The following BIRC2 variants were observed in gnomAD, a reference collection of about 807,000 sequenced individuals.
BIRC2 encodes baculoviral IAP repeat containing 2.
In BIRC2, 18 loss-of-function variants were observed where a neutral mutation model predicts 60.9. The observed-to-expected ratio is 0.30, with a 90% CI of 0.20 to 0.44. The LOEUF (loss-of-function observed/expected upper bound fraction) is 0.44. BIRC2 is among the 20% of genes least tolerant of loss of function. The pLI is 1.00. For missense variants in BIRC2, 701 were observed against 728.5 expected (o/e 0.96, Z 0.43); for synonymous variants, 282 against 247.7 (o/e 1.14, Z -1.30).
chr11:102,353,044 A>G (rs1951381332), intron 3 of BIRC2, among the ~76,000 whole-genome samples: 1 of 152,162 alleles, frequency 6.6e-6, no homozygotes, highest in African/African-American at 2.4e-5. Flanking sequence ...ATTATTAATT[A>G]TGTTTAAAAT....
At chr11:102,368,913 T>C (rs905298257) in intron 6 of BIRC2, among the ~76,000 whole-genome samples, 1 of 151,952 alleles carries the variant, frequency 6.6e-6, no homozygotes, top group Non-Finnish European at 1.5e-5. Flanking sequence ...CAACCTGTTT[T>C]TTTTTTTAAG....
At chr11:102,357,149 G>A (rs1203229042) in intron 3 of BIRC2, among the ~76,000 whole-genome samples, 1 of 152,028 alleles carries the variant, frequency 6.6e-6, no homozygotes, top group Non-Finnish European at 1.5e-5. Flanking sequence ...TGCTCATCAG[G>A]GCTATTGGCA....
intron 6 of BIRC2, 124 bp from the exon 7 acceptor site, chr11:102,377,372 C>T (rs1217813467): frequency 3.6e-6 from 3 of 834,268 alleles, no homozygotes; most frequent in African/African-American, 3.6e-5. Flanking sequence ...AAACAAGTTA[C>T]TTTGTTCTTT....
At chr11:102,362,267 A>G (rs1306716528) in intron 3 of BIRC2, among the ~76,000 whole-genome samples, 4 of 152,118 alleles carry the variant, frequency 2.6e-5, no homozygotes, top group South Asian at 2.1e-4. Context: ...TTTTTAACAT[A>G]TGAATATTCT....
chr11:102,349,914 T>C lies in BIRC2; in HGVS notation c.60T>C (p.Ser20=). Residue 20 remains serine (S), a synonymous_variant, in exon 2 of 9, where the codon AGT becomes AGC. Coordinates refer to ENST00000227758, the MANE Select transcript of BIRC2 (RefSeq NM_001166.5). The part of the protein sequence containing the change: ...FPGPSYQNIK[S]IMEDSTILSD... Reference sequence around the variant, plus strand: ...GTCCCTCGTATCAAAACATTAAGAGTATAATGGAAGATAGCACGATCTTGT... The same window carrying C: ...GTCCCTCGTATCAAAACATTAAGAGCATAATGGAAGATAGCACGATCTTGT... The C allele has an allele frequency of 6.2e-7, 1 of 1,613,788 alleles. No homozygotes were observed. Among genetic ancestry groups the C allele is most frequent in the Non-Finnish European group, 8.5e-7 (1 of 1,179,888 alleles).
chr11:102,350,472 A>G lies in BIRC2; in HGVS notation c.618A>G (p.Arg206=). ...LTFLSPSELA[R]AGFYYIGPGD... is the part of the protein sequence containing the mutation. The stretch of plus-strand genomic sequence containing the variant: ...TTTTGTCACCATCAGAATTGGCAAG[A>G]GCTGGTTTTTATTATATAGGACCTG... Residue 206 remains arginine (R), a synonymous_variant, in exon 2 of 9, where the codon AGA becomes AGG. Coordinates refer to ENST00000227758, the MANE Select transcript of BIRC2 (RefSeq NM_001166.5). 6.2e-7 allele frequency: 1 copy of G among 1,614,162 alleles called. No homozygotes were observed. Among genetic ancestry groups the G allele is most frequent in the Non-Finnish European group, 8.5e-7 (1 of 1,180,028 alleles).
intron 3 of BIRC2, among the ~76,000 whole-genome samples, chr11:102,361,591 G>A (rs960896859): frequency 6.6e-6 from 1 of 152,132 alleles, no homozygotes; most frequent in African/African-American, 2.4e-5. Flanking sequence ...GGCTACTGGG[G>A]TTGGCATCAA....
At chr11:102,366,527 C>T (rs974341914) in intron 5 of BIRC2, among the ~76,000 whole-genome samples, 6 of 151,992 alleles carry the variant, frequency 3.9e-5, no homozygotes, top group South Asian at 2.1e-4. Flanking sequence ...CCACCACGCC[C>T]GGCTAATTTT....
At chr11:102,365,605 C>CA (rs1379175720) in intron 5 of BIRC2, among the ~76,000 whole-genome samples, 30 of 152,154 alleles carry the variant, frequency 2.0e-4, no homozygotes, top group Non-Finnish European at 4.4e-5. Flanking sequence ...AACAAGGTCT[C>CA]ACTTTGTCAC....
Position 102,348,769 on chromosome 11 carries a change from G to T in BIRC2, c.-1086G>T. On this transcript the variant is annotated 5_prime_UTR_variant, in exon 2 of 9. An upstream open reading frame in the 5' UTR loses its in-frame stop. Transcript: ENST00000227758. ...TGAAGAGTTTTCAGAAAGAAGGCTA[G>T]TAGAGTTGATTACTGATACTTTATG... 2.7e-6 allele frequency: 1 copy of T among 367,636 alleles called. No homozygotes were observed. The highest frequency in any genetic ancestry group is 5.2e-6 in the Non-Finnish European group (1 of 190,786). 22.8% of individuals were successfully genotyped at this position (367,636 alleles called of 1,614,324 possible).
chr11:102,361,563 A>G (rs1951485692), intron 3 of BIRC2, among the ~76,000 whole-genome samples: 2 of 152,162 alleles, frequency 1.3e-5, no homozygotes, highest in African/African-American at 2.4e-5. Context: ...GAAAGCTGTC[A>G]GTGTCCTCTG....
At chr11:102,368,114 C>T (rs1245127422) in intron 5 of BIRC2, among the ~76,000 whole-genome samples, 192 bp from the exon 6 acceptor site, 1 of 152,104 alleles carries the variant, frequency 6.6e-6, no homozygotes, top group African/African-American at 2.4e-5. Flanking sequence ...AAAAGTATAG[C>T]ATATTAATTG....
intron 3 of BIRC2, among the ~76,000 whole-genome samples, chr11:102,359,507 C>T (rs751309034): frequency 6.6e-5 from 10 of 152,126 alleles, no homozygotes; most frequent in South Asian, 2.1e-4. Flanking sequence ...AACTCTTCAG[C>T]GTTTCTTGTA....
intron 6 of BIRC2, among the ~76,000 whole-genome samples, chr11:102,374,234 G>A (rs954125726): frequency 6.6e-6 from 1 of 151,514 alleles, no homozygotes; most frequent in Non-Finnish European, 1.5e-5. Context: ...TTTGGAAGAG[G>A]AGAGGCGCTC....
At chr11:102,373,234 C>T (rs1247874288) in intron 6 of BIRC2, among the ~76,000 whole-genome samples, 4 of 152,040 alleles carry the variant, frequency 2.6e-5, no homozygotes, top group African/African-American at 4.8e-5. Context: ...TGATTTTGCT[C>T]GTTAGTTGAT....
At chr11:102,353,168 T>C (rs1223900786) in intron 3 of BIRC2, among the ~76,000 whole-genome samples, 1 of 152,198 alleles carries the variant, frequency 6.6e-6, no homozygotes, top group African/African-American at 2.4e-5. Flanking sequence ...CAAAAACAGC[T>C]TCCAAATTCC....
intron 3 of BIRC2, among the ~76,000 whole-genome samples, chr11:102,356,901 C>T (rs1000538838): frequency 6.6e-6 from 1 of 151,768 alleles, no homozygotes; most frequent in Non-Finnish European, 1.5e-5. Context: ...AACTCCTGAC[C>T]TCAGGTGATC....
rs879922712 is a variant in BIRC2, at chr11:102,373,481, T to A, written c.1367-4015T>A. Among the ~76,000 whole-genome samples, 456 of 151,962 alleles carry A rather than the reference T, an allele frequency of 3.0e-3. 1 individual carries two copies. Among genetic ancestry groups the A allele is most frequent in the Middle Eastern group, 6.8e-3 (2 of 294 alleles). On this transcript the variant is annotated intron_variant, in intron 6 of 8. Transcript: ENST00000227758. ...GGTTGAAAATTCTTTTCTTTAAGAA[T>A]GTTGAATATTGGCCCCCACTCTCTT...
intron 3 of BIRC2, among the ~76,000 whole-genome samples, chr11:102,354,944 G>GTTTTTTTTTTT (rs61520984): frequency 4.5e-5 from 4 of 89,642 alleles, no homozygotes; most frequent in Non-Finnish European, 6.8e-5. Context: ...AATTATTTGG[G>GTTTTTTTTTTT]TTTTTTTTTT....
Sources: allele counts gnomAD v4.1 joint callset (sites outside exome capture counted in the v4.1 genomes callset), GRCh38; gene constraint gnomAD v4.1.1; transcripts MANE v1.5; gene names NCBI Gene and HGNC (gene_info 2026-07-23, HGNC 2026-07-21).